STK32B: variants seen among roughly 807,000 people sequenced by gnomAD.
STK32B encodes serine/threonine kinase 32B, also known as serine/threonine-protein kinase 32B.
Under a neutral mutation model 52.6 loss-of-function variants are expected in STK32B, and 43 were observed. That is an observed-to-expected ratio of 0.82 (90% CI 0.64 to 1.05). STK32B has a LOEUF of 1.05. STK32B is among the 50% of genes least tolerant of loss of function. STK32B has a pLI of 0.00. For synonymous variants in STK32B, 238 were observed against 204.3 expected (o/e 1.17, Z -1.41); for missense variants, 621 against 534.6 (o/e 1.16, Z -1.59).
At chr4:5,158,744 G>A (rs1450043065) in intron 2 of STK32B, among the ~76,000 whole-genome samples, 8 of 152,052 alleles carry the variant, frequency 5.3e-5, no homozygotes, top group South Asian at 2.1e-4. Context: ...TTCTCCCTGC[G>A]TCCTCACATG....
At chr4:5,339,868 C>T (rs1211931511) in intron 4 of STK32B, among the ~76,000 whole-genome samples, 1 of 152,150 alleles carries the variant, frequency 6.6e-6, no homozygotes, top group Non-Finnish European at 1.5e-5. Flanking sequence ...TTTTAGACGC[C>T]TCATACTTAT....
At chr4:5,457,032 G>A (rs2109142455) in intron 8 of STK32B, 109 bp downstream of exon 8, 1 of 781,946 alleles carries the variant, frequency 1.3e-6, no homozygotes, top group Admixed American at 3.3e-5. Flanking sequence ...TCGGGGTAGA[G>A]ATGATCAAAT....
chr4:5,034,072 A>T, the STK32B span, among the ~76,000 whole-genome samples: 1 of 152,232 alleles, frequency 6.6e-6, no homozygotes, highest in East Asian at 1.9e-4. Context: ...AAAAAAGCAG[A>T]TTGAGAAATG....
Position 5,396,419 on chromosome 4 carries a change from C to T in STK32B, c.435-1788C>T, listed in dbSNP as rs1176861097. Among the ~76,000 whole-genome samples, 2 of 152,156 alleles carry T rather than the reference C, an allele frequency of 1.3e-5. No homozygotes were observed. The highest frequency in any genetic ancestry group is 4.8e-5 in the African/African-American group (2 of 41,452). On this transcript the variant is annotated intron_variant, in intron 4 of 11. Coordinates refer to ENST00000282908, the MANE Select transcript of STK32B (RefSeq NM_018401.3). This position sits in a 1 kb window ranked among gnomAD's most constrained non-coding sequence, Gnocchi z 4.7. Reference sequence around the variant, plus strand: ...ATCCAGGATGATTCATCTTGAGATCCTTAAGTAATTACCTCTGCAAAGACT... The same window carrying T: ...ATCCAGGATGATTCATCTTGAGATCTTTAAGTAATTACCTCTGCAAAGACT...
At chr4:5,486,113 C>G (rs942157821) in intron 11 of STK32B, among the ~76,000 whole-genome samples, 1 of 152,200 alleles carries the variant, frequency 6.6e-6, no homozygotes, top group African/African-American at 2.4e-5. Flanking sequence ...TTCGGGGAAG[C>G]TGTCAGACAG....
intron 3 of STK32B, 80 bp downstream of exon 3, chr4:5,168,530 C>G (rs1719073052): frequency 1.4e-6 from 2 of 1,453,370 alleles, no homozygotes; most frequent in Non-Finnish European, 1.8e-6. Flanking sequence ...TAGAGGGACT[C>G]TTCCGCATTG....
chr4:5,194,919 G>T (rs1721522031), intron 3 of STK32B, among the ~76,000 whole-genome samples: 1 of 152,136 alleles, frequency 6.6e-6, no homozygotes, highest in Non-Finnish European at 1.5e-5. Context: ...AGCATCTAGG[G>T]GTGGTGCTAA....
chr4:5,290,203 T>G (rs1158473692), intron 3 of STK32B, among the ~76,000 whole-genome samples: 1 of 152,178 alleles, frequency 6.6e-6, no homozygotes, highest in Non-Finnish European at 1.5e-5. Flanking sequence ...TCCCCTAAAT[T>G]TATTTTAAAA....
intron 3 of STK32B, among the ~76,000 whole-genome samples, chr4:5,217,483 G>GT (rs1723250734): frequency 6.6e-6 from 1 of 152,206 alleles, no homozygotes; most frequent in Non-Finnish European, 1.5e-5. Context: ...CTCATTAGCA[G>GT]TTTTTGGAGA....
At chr4:5,468,103 G>C (rs1435227878) in intron 11 of STK32B, 33 bp downstream of exon 11, 2 of 1,611,066 alleles carry the variant, frequency 1.2e-6, no homozygotes, top group Non-Finnish European at 8.5e-7. Flanking sequence ...CTTGGGCAAA[G>C]CCTGTCCTAA....
At chr4:5,425,939 AC>A (rs1257321703) in intron 6 of STK32B, among the ~76,000 whole-genome samples, 11 of 152,046 alleles carry the variant, frequency 7.2e-5, no homozygotes, top group African/African-American at 2.7e-4. Context: ...TTTACTCATG[AC>A]GTGTGTATCA....
At chr4:5,445,700 AC>A (rs1715339782) in intron 6 of STK32B, among the ~76,000 whole-genome samples, 1 of 152,186 alleles carries the variant, frequency 6.6e-6, no homozygotes, top group Admixed American at 6.5e-5. Flanking sequence ...TTTAAAGTGA[AC>A]AATTCAGTAG....
intron 7 of STK32B, among the ~76,000 whole-genome samples, chr4:5,452,801 C>T (rs1280674682): frequency 2.0e-5 from 3 of 151,970 alleles, no homozygotes; most frequent in African/African-American, 4.8e-5. Context: ...AACCGAGTTT[C>T]CTGGAATAGA....
intron 3 of STK32B, among the ~76,000 whole-genome samples, chr4:5,210,616 G>A (rs1390286238): frequency 6.6e-6 from 1 of 152,106 alleles, no homozygotes; most frequent in African/African-American, 2.4e-5. Context: ...CATGAAGGCA[G>A]GGACCAGGTG....
chr4:5,120,678 T>C (rs1714977097), intron 1 of STK32B, among the ~76,000 whole-genome samples: 3 of 152,144 alleles, frequency 2.0e-5, no homozygotes, highest in Non-Finnish European at 4.4e-5. Context: ...ATGATATGTG[T>C]AGTCATGAGA....
At position 5,159,562 on chromosome 4, in the gene STK32B, AATGAATATATATGAATATATAT is replaced by A. The variant is rs1464310763; in HGVS notation, c.109-8692_109-8671del. Among the ~76,000 whole-genome samples, 401 of 51,592 alleles carry A rather than the reference AATGAATATATATGAATATATAT, an allele frequency of 7.8e-3. 34 individuals are homozygous for A. The East Asian group carries it at 0.15, about 20-fold the overall frequency. 33.8% of individuals were successfully genotyped at this position (51,592 alleles called of 152,430 possible). ...ATATGTATATATATGAATATATATG[AATGAATATATATGAATATATAT>A]ATGAATATATATGAATATATATATG... is the stretch of plus-strand genomic sequence containing the variant. On this transcript the variant is annotated intron_variant, in intron 2 of 11. Transcript: ENST00000282908.
intron 1 of STK32B, among the ~76,000 whole-genome samples, chr4:5,122,765 G>C (rs1289593414): frequency 6.6e-6 from 1 of 152,162 alleles, no homozygotes; most frequent in Non-Finnish European, 1.5e-5. Flanking sequence ...TGAGGTTGCT[G>C]GGCTGACTGC....
intron 4 of STK32B, among the ~76,000 whole-genome samples, chr4:5,367,597 A>G (rs535386073): frequency 6.6e-6 from 1 of 152,326 alleles, no homozygotes; most frequent in East Asian, 1.9e-4. Flanking sequence ...GCTTGTTGAT[A>G]TCAACCCAGT....
chr4:5,415,880 A>G (rs1268894782), intron 5 of STK32B, among the ~76,000 whole-genome samples: 2 of 152,042 alleles, frequency 1.3e-5, no homozygotes, highest in East Asian at 3.9e-4. Context: ...CTGCTCCAGA[A>G]TGTGTTTTCC....
Sources: allele counts gnomAD v4.1 joint callset (sites outside exome capture counted in the v4.1 genomes callset), GRCh38; gene constraint gnomAD v4.1.1; non-coding constraint Gnocchi (gnomAD v3.1); transcripts MANE v1.5; gene names NCBI Gene and HGNC (gene_info 2026-07-23, HGNC 2026-07-21).